Variants in PRR16 observed in about 807,000 individuals in gnomAD.
PRR16 encodes proline rich 16, also known as protein Largen.
A neutral mutation model predicts 18.2 loss-of-function variants in PRR16; 6 were observed. That is an observed-to-expected ratio of 0.33 (90% CI 0.18 to 0.65). The LOEUF (loss-of-function observed/expected upper bound fraction) is 0.65, where lower values mean the gene tolerates loss of function less well. Among genes scored for constraint, PRR16 ranks in the 30% least tolerant of loss-of-function variants. PRR16 has a pLI of 0.74. For missense variants in PRR16, 412 were observed against 376.6 expected (o/e 1.09, Z -0.78); for synonymous variants, 151 against 147.8 (o/e 1.02, Z -0.16).
At chr5:120,788,131 ATAT>A in the PRR16 span, among the ~76,000 whole-genome samples, 20 of 152,026 alleles carry the variant, frequency 1.3e-4, no homozygotes, top group Non-Finnish European at 1.9e-4. Flanking sequence ...TCATTTTAAC[ATAT>A]TATATTTACA....
chr5:120,664,619 C>A (rs1257751162), intron 1 of PRR16, among the ~76,000 whole-genome samples: 1 of 151,942 alleles, frequency 6.6e-6, no homozygotes, highest in Non-Finnish European at 1.5e-5. Context: ...CCCCCTACCC[C>A]ACAGCAGTCC....
chr5:120,577,304 A>G (rs1753111782), intron 1 of PRR16, among the ~76,000 whole-genome samples: 1 of 152,076 alleles, frequency 6.6e-6, no homozygotes, highest in Admixed American at 6.6e-5. Flanking sequence ...AGTCACTTGC[A>G]TATGACTTGG....
chr5:120,768,528 C>A, the PRR16 span, among the ~76,000 whole-genome samples: 3 of 151,528 alleles, frequency 2.0e-5, no homozygotes, highest in Non-Finnish European at 4.4e-5. Flanking sequence ...TGAATACCTA[C>A]CTTCAGGAAC....
At chr5:120,529,277 A>T (rs1370141153) in intron 1 of PRR16, among the ~76,000 whole-genome samples, 2 of 152,194 alleles carry the variant, frequency 1.3e-5, no homozygotes, top group African/African-American at 2.4e-5. Flanking sequence ...TAATTATGAT[A>T]TGATCACTAC....
downstream of PRR16, among the ~76,000 whole-genome samples, chr5:120,689,496 A>G (rs1203759485): frequency 6.6e-6 from 1 of 152,190 alleles, no homozygotes; most frequent in Non-Finnish European, 1.5e-5. Flanking sequence ...CTCTTCCTAA[A>G]GACCATAAAC....
rs142547521 is a variant in PRR16, at chr5:120,676,150, C to G, written c.160-9804C>G. ...TCACTGTTTGTTTTAGTATCTCTTT[C>G]AGAGAAAGCTTGTTGCTTTGGAATA... is the stretch of plus-strand genomic sequence containing the variant. On this transcript the variant is annotated intron_variant, in intron 1 of 1. Coordinates refer to ENST00000407149, the MANE Select transcript of PRR16 (RefSeq NM_001300783.2). Among the ~76,000 whole-genome samples, 4 of 152,174 alleles carry G rather than the reference C, an allele frequency of 2.6e-5. No individual in the cohort carries two copies. The East Asian group carries it at 7.7e-4, about 29-fold the overall frequency.
Position 120,686,271 on chromosome 5 carries a change from A to C in PRR16, c.477A>C (p.Leu159Phe). Reference sequence around the variant, plus strand: ...GCACCCTTCTACGAAATGGAGGCTTACCAGGTGGACCTAACAAAATTCCAA... The same window carrying C: ...GCACCCTTCTACGAAATGGAGGCTTCCCAGGTGGACCTAACAAAATTCCAA... ...TNGTLLRNGG[L>F]PGGPNKIPNG... The change falls in exon 2 of 2, where the codon TTA becomes TTC. Residue 159 changes from leucine (L) to phenylalanine (F), a missense_variant. By Grantham distance (22) the Leu-to-Phe change is conservative. Coordinates refer to ENST00000407149, the MANE Select transcript of PRR16 (RefSeq NM_001300783.2). 1 of 1,614,106 alleles carries C rather than the reference A, an allele frequency of 6.2e-7. No homozygotes were observed. The highest frequency in any genetic ancestry group is 8.5e-7 in the Non-Finnish European group (1 of 1,180,024).
At chr5:120,643,440 A>G (rs1755488258) in intron 1 of PRR16, among the ~76,000 whole-genome samples, 1 of 152,142 alleles carries the variant, frequency 6.6e-6, no homozygotes, top group Non-Finnish European at 1.5e-5. Flanking sequence ...GTTTAAACTC[A>G]GAAGTGATAG....
At chr5:120,622,766 C>G (rs1035563451) in intron 1 of PRR16, among the ~76,000 whole-genome samples, 1 of 151,990 alleles carries the variant, frequency 6.6e-6, no homozygotes, top group African/African-American at 2.4e-5. Context: ...CGTGAGCCAC[C>G]ACGCCCAGCC....
intron 1 of PRR16, among the ~76,000 whole-genome samples, chr5:120,677,364 C>T (rs1007104344): frequency 1.3e-5 from 2 of 152,142 alleles, no homozygotes; most frequent in Admixed American, 6.5e-5. Context: ...ATGTCACTTG[C>T]TATCCTATAT....
Position 120,659,028 on chromosome 5 carries a change from C to T in PRR16, c.160-26926C>T, listed in dbSNP as rs1756084170. On this transcript the variant is annotated intron_variant, in intron 1 of 1. Transcript: ENST00000407149. ...TCTTTCTCTCTCACCTGCGACCCCC[C>T]ATCATAGTTCTTTTAAGGTCTCATA... Among the ~76,000 whole-genome samples, 7 of 151,998 alleles carry T rather than the reference C, an allele frequency of 4.6e-5. No homozygotes were observed. In the South Asian group the frequency reaches 1.5e-3, roughly 32 times the overall value.
At chr5:120,748,070 A>G in the PRR16 span, among the ~76,000 whole-genome samples, 1 of 152,094 alleles carries the variant, frequency 6.6e-6, no homozygotes, top group Non-Finnish European at 1.5e-5. Context: ...TCAGATCTCT[A>G]TTTGGGAGTC....
chr5:120,770,635 A>G, the PRR16 span, among the ~76,000 whole-genome samples: 1 of 152,028 alleles, frequency 6.6e-6, no homozygotes, highest in African/African-American at 2.4e-5. Flanking sequence ...TAAAAAGACA[A>G]TCTAAAGAAT....
chr5:120,523,766 A>G (rs1751263025), intron 1 of PRR16, among the ~76,000 whole-genome samples: 1 of 145,958 alleles, frequency 6.9e-6, no homozygotes, highest in Admixed American at 6.8e-5. Flanking sequence ...AAATTTTCAG[A>G]GTGAGTGTGT....
At chr5:120,743,380 A>AT in the PRR16 span, among the ~76,000 whole-genome samples, 10 of 151,742 alleles carry the variant, frequency 6.6e-5, no homozygotes, top group East Asian at 1.9e-3. Context: ...TTCATAGGTG[A>AT]TTAAAAAAAA....
the PRR16 span, among the ~76,000 whole-genome samples, chr5:120,739,671 T>A: frequency 4.1e-4 from 63 of 152,272 alleles, no homozygotes; most frequent in African/African-American, 1.5e-3. Context: ...TCTCTAAGAC[T>A]TTCAAAAAAT....
intron 1 of PRR16, among the ~76,000 whole-genome samples, chr5:120,679,472 C>G (rs772970220): frequency 6.6e-6 from 1 of 152,038 alleles, no homozygotes; most frequent in Non-Finnish European, 1.5e-5. Flanking sequence ...CAGAGATGTG[C>G]AATTATAAGG....
intron 1 of PRR16, among the ~76,000 whole-genome samples, chr5:120,604,402 T>G (rs144395040): frequency 5.3e-5 from 8 of 152,304 alleles, no homozygotes; most frequent in Non-Finnish European, 2.9e-5. Context: ...ATTTGCTTGA[T>G]AGATCCTTCT....
the PRR16 span, among the ~76,000 whole-genome samples, chr5:120,780,248 A>T: frequency 6.6e-6 from 1 of 152,198 alleles, no homozygotes; most frequent in Non-Finnish European, 1.5e-5. Flanking sequence ...ACCAATTTAT[A>T]TAAAAAGTTC....
Sources: gnomAD v4.1 joint callset for allele counts (sites outside exome capture counted in the v4.1 genomes callset) on GRCh38, gnomAD v4.1.1 for gene constraint, MANE v1.5 for transcripts, NCBI Gene and HGNC (gene_info 2026-07-23, HGNC 2026-07-21) for gene names.